Variants in RARG observed in about 807,000 individuals in gnomAD.
RARG encodes the protein retinoic acid receptor gamma.
RARG carries 17 observed loss-of-function variants against 43.7 expected under a neutral mutation model. That is an observed-to-expected ratio of 0.39 (90% CI 0.27 to 0.58). The LOEUF (loss-of-function observed/expected upper bound fraction) is 0.58, where lower values mean the gene tolerates loss of function less well. Among genes scored for constraint, RARG ranks in the 20% least tolerant of loss-of-function variants. The probability of loss-of-function intolerance (pLI) is 0.57; values close to 1 mark genes in which losing one functional copy is unlikely to be tolerated. For missense variants in RARG, 346 were observed against 598.7 expected (o/e 0.58, Z 4.40); for synonymous variants, 238 against 236.4 (o/e 1.01, Z -0.06).
intron 3 of RARG, chr12:53,220,489 T>C (rs775731021): frequency 9.9e-6 from 5 of 504,956 alleles, no homozygotes; most frequent in Non-Finnish European, 1.6e-5. Flanking sequence ...GTACACTCGC[T>C]CCGCGGCGCG....
At chr12:53,229,377 T>A (rs1943178696) in intron 2 of RARG, among the ~76,000 whole-genome samples, 2 of 152,150 alleles carry the variant, frequency 1.3e-5, no homozygotes, top group African/African-American at 2.4e-5. Flanking sequence ...TTCTCTCCTC[T>A]ACCTTGGCCT....
At chr12:53,214,301 T>G in intron 6 of RARG, 66 bp from the exon 7 acceptor site, 1 of 1,549,080 alleles carries the variant, frequency 6.5e-7, no homozygotes, top group Non-Finnish European at 8.9e-7. Context: ...CTGTCTTCTC[T>G]CTACCAATAT....
Position 53,227,352 on chromosome 12 carries a change from T to G in RARG, c.184+10A>C. The G allele has an allele frequency of 2.0e-6, 3 of 1,528,826 alleles. No homozygotes were observed. The highest frequency in any genetic ancestry group is 1.2e-5 in the South Asian group (1 of 80,876). 94.7% of individuals were successfully genotyped at this position (1,528,826 alleles called of 1,614,324 possible). ...ATTTGCCTTCATTCCCCAAGATCCC[T>G]GAGACTCACACAGAGAGGCCATCTC... is the stretch of plus-strand genomic sequence containing the variant. On this transcript the variant is annotated intron_variant, in intron 3 of 9. Coordinates refer to ENST00000425354, the MANE Select transcript of RARG (RefSeq NM_000966.6). The surrounding 1 kb of genome is among the most constrained non-coding windows in gnomAD (Gnocchi z 4.3).
At position 53,213,458 on chromosome 12, in the gene RARG, A is replaced by G. The variant is rs147811602; in HGVS notation, c.1018+38T>C. 18 of 1,598,430 alleles carry G rather than the reference A, an allele frequency of 1.1e-5. No homozygotes were observed. In the African/African-American group the frequency reaches 1.7e-4, roughly 15 times the overall value. On this transcript the variant is annotated intron_variant, in intron 8 of 9. Transcript: ENST00000425354. This position sits in a 1 kb window ranked among gnomAD's most constrained non-coding sequence, Gnocchi z 4.7. ...TCCGCATGGAGTGGTGGGAAAGGAG[A>G]CTGAGCACTGAGCAGACGCCAGGGG...
chr12:53,217,261 A>G (rs995444429), intron 3 of RARG, among the ~76,000 whole-genome samples: 24 of 152,224 alleles, frequency 1.6e-4, no homozygotes, highest in African/African-American at 5.3e-4. Context: ...AAGACTAGGG[A>G]TGGGGGCTCC....
intron 3 of RARG, among the ~76,000 whole-genome samples, chr12:53,216,470 T>C (rs760775354): frequency 2.6e-4 from 40 of 152,100 alleles, no homozygotes; most frequent in Admixed American, 7.9e-4. Context: ...AGTGAGAGGA[T>C]GCACCACAGC....
chr12:53,220,030 C>G, intron 3 of RARG: 1 of 1,538,352 alleles, frequency 6.5e-7, no homozygotes. Flanking sequence ...GCGCAGCAAG[C>G]CGGCCCCGGG....
In RARG at chr12:53,211,037, G is replaced by GAGA. The variant is rs1942574363; in HGVS notation, c.*638_*639insTCT. ...CAAGGCACATGACAGGGCTGGGGGA[G>GAGA]GGACTTATAACGGAGGGCACAGGGT... On this transcript the variant is annotated 3_prime_UTR_variant, in exon 10 of 10. Transcript: ENST00000425354. The surrounding 1 kb of genome is among the most constrained non-coding windows in gnomAD (Gnocchi z 4.6). 2 of 152,808 alleles carry GAGA rather than the reference G, an allele frequency of 1.3e-5. No homozygotes were observed. The highest frequency in any genetic ancestry group is 2.9e-5 in the Non-Finnish European group (2 of 68,168). 9.5% of individuals were successfully genotyped at this position (152,808 alleles called of 1,614,324 possible).
In RARG at chr12:53,215,358, A is replaced by G; in HGVS notation, c.410T>C (p.Val137Ala). 1 of 1,614,048 alleles carries G rather than the reference A, an allele frequency of 6.2e-7. No homozygotes were observed. The highest frequency in any genetic ancestry group is 2.2e-5 in the East Asian group (1 of 44,872). Residue 137 changes from valine (V) to alanine (A), a missense_variant, in exon 5 of 10, where the codon GTG becomes GCG. By Grantham distance (64) the Val-to-Ala change is moderately conservative. Transcript: ENST00000425354. The surrounding 1 kb of genome is among the most constrained non-coding windows in gnomAD (Gnocchi z 6.4). Reference protein sequence around the residue: ...HRDKNCIINKVTRNRCQYCRL... With the variant: ...HRDKNCIINKATRNRCQYCRL... ...GCAGTACTGGCAGCGATTCCTGGTC[A>G]CCTTGTTGATGATACAGTTTTTGTC...
In RARG at chr12:53,232,010, G is replaced by A. The variant is rs1439782652; in HGVS notation, c.-246C>T. The A allele has an allele frequency of 7.5e-6, 3 of 397,632 alleles. No individual in the cohort carries two copies. Among genetic ancestry groups the A allele is most frequent in the African/African-American group, 2.1e-5 (1 of 48,586 alleles). The allele number at this position is 397,632 out of a possible 1,614,324, so 24.6% of individuals were successfully genotyped here. A position where few individuals can be genotyped will look rare whatever the true frequency, so the allele number is the denominator to read the frequency against. ...GGGGGAAGGGAGGCGGCGGAGCCCC[G>A]AGGTCCCGGCGTCGGGCAGTCTCTT... On this transcript the variant is annotated 5_prime_UTR_variant, in exon 1 of 10. Transcript: ENST00000425354.
chr12:53,221,801 C>T (rs879417584), intron 3 of RARG, among the ~76,000 whole-genome samples: 4 of 151,654 alleles, frequency 2.6e-5, no homozygotes, highest in Admixed American at 6.6e-5. Flanking sequence ...CTGTCAGCGC[C>T]GCTCACACGG....
intron 3 of RARG, among the ~76,000 whole-genome samples, chr12:53,217,047 G>A (rs980282895): frequency 1.3e-5 from 2 of 152,018 alleles, no homozygotes; most frequent in Non-Finnish European, 2.9e-5. Flanking sequence ...CTGGTCAGAA[G>A]CCCGCCCCAA....
At chr12:53,228,030 G>C (rs1200434967) in intron 2 of RARG, among the ~76,000 whole-genome samples, 1 of 152,192 alleles carries the variant, frequency 6.6e-6, no homozygotes, top group Non-Finnish European at 1.5e-5. Context: ...TGTGAACTGG[G>C]AGTTATGATT....
rs1942682764 is a variant in RARG, at chr12:53,213,950, CAT to C, written c.813+107_813+108del. 1 of 1,317,086 alleles carries C rather than the reference CAT, an allele frequency of 7.6e-7. No individual in the cohort carries two copies. The highest frequency in any genetic ancestry group is 1.1e-6 in the Non-Finnish European group (1 of 947,528). The allele number at this position is 1,317,086 out of a possible 1,614,324, so 81.6% of individuals were successfully genotyped here. On this transcript the variant is annotated intron_variant, in intron 7 of 9. Transcript: ENST00000425354. The surrounding 1 kb of genome is among the most constrained non-coding windows in gnomAD (Gnocchi z 4.7). ...ACGAAAAGAGAGCTGAGGAGTCCCA[CAT>C]GTGTGGCAGGGGGTGCAGGGTAAGG... is the stretch of plus-strand genomic sequence containing the variant.
chr12:53,216,839 TGTGCGC>T (rs1463324437), intron 3 of RARG, among the ~76,000 whole-genome samples: 4 of 146,830 alleles, frequency 2.7e-5, no homozygotes, highest in Admixed American at 1.4e-4. Context: ...TGTGTGTGTG[TGTGCGC>T]GCGCGCGCGC....
intron 3 of RARG, among the ~76,000 whole-genome samples, chr12:53,216,374 A>G (rs895438581): frequency 6.6e-6 from 1 of 152,172 alleles, no homozygotes; most frequent in Non-Finnish European, 1.5e-5. Context: ...CAGGGGGGAT[A>G]ACTCCTCAGG....
In RARG at chr12:53,211,401, G is replaced by T; in HGVS notation, c.*275C>A. ...TGGGAAGTCTAGGACCCATGGGGCA[G>T]TGCTGAGATTTTAGAGTCCAAACCC... On this transcript the variant is annotated 3_prime_UTR_variant, in exon 10 of 10. Transcript: ENST00000425354. This position sits in a 1 kb window ranked among gnomAD's most constrained non-coding sequence, Gnocchi z 4.6. 1 of 319,900 alleles carries T rather than the reference G, an allele frequency of 3.1e-6. No individual in the cohort carries two copies. Among genetic ancestry groups the T allele is most frequent in the Non-Finnish European group, 5.7e-6 (1 of 175,036 alleles). The allele number at this position is 319,900 out of a possible 1,614,324, so 19.8% of individuals were successfully genotyped here.
chr12:53,231,120 C>T (rs975124799), intron 2 of RARG, 49 bp downstream of exon 2: 2 of 152,410 alleles, frequency 1.3e-5, no homozygotes, highest in Non-Finnish European at 2.9e-5. Context: ...AGACCTCCTA[C>T]TCAGGCTCCC....
At chr12:53,223,144 TC>T (rs1395311739) in intron 3 of RARG, among the ~76,000 whole-genome samples, 1 of 152,212 alleles carries the variant, frequency 6.6e-6, no homozygotes, top group Non-Finnish European at 1.5e-5. Context: ...AGCTAACTCC[TC>T]ATGCACCCTG....
Sources: allele counts gnomAD v4.1 joint callset (sites outside exome capture counted in the v4.1 genomes callset), GRCh38; gene constraint gnomAD v4.1.1; non-coding constraint Gnocchi (gnomAD v3.1); transcripts MANE v1.5; gene names NCBI Gene and HGNC (gene_info 2026-07-23, HGNC 2026-07-21).